The following TARM1 variants were observed in gnomAD, a reference collection of about 807,000 sequenced individuals.
TARM1 encodes the protein T cell-interacting, activating receptor on myeloid cells 1, also known as T-cell-interacting, activating receptor on myeloid cells protein 1.
A neutral mutation model predicts 30.4 loss-of-function variants in TARM1; 24 were observed. The observed-to-expected ratio is 0.79, with a 90% confidence interval of 0.57 to 1.11. TARM1 has a LOEUF of 1.11. TARM1 is among the 50% of genes least tolerant of loss of function. The probability of loss-of-function intolerance (pLI) is 0.00; values close to 1 mark genes in which losing one functional copy is unlikely to be tolerated. For synonymous variants in TARM1, 129 were observed against 138.9 expected (o/e 0.93, Z 0.50); for missense variants, 323 against 332.8 (o/e 0.97, Z 0.23).
At chr19:54,070,212 T>A in intron 4 of TARM1, 52 bp from the exon 5 acceptor site, 1 of 1,517,044 alleles carries the variant, frequency 6.6e-7, no homozygotes, top group African/African-American at 1.4e-5. Flanking sequence ...TCCCTCCTTC[T>A]CAAATGGCCC....
rs587648957 is a variant in TARM1 at position 54,075,075 on chromosome 19, G to A, written c.110C>T (p.Ser37Leu). The A allele has an allele frequency of 3.6e-5, 56 of 1,551,492 alleles. No homozygotes were observed. In the African/African-American group the frequency reaches 4.7e-4, roughly 13 times the overall value. The change falls in exon 3 of 5, where the codon TCG becomes TTG. Residue 37 changes from serine to leucine, a missense_variant. Coordinates refer to ENST00000432826, the MANE Select transcript of TARM1 (RefSeq NM_001135686.3). ...CACATTGCTGTTGGCAGGGACCACC[G>A]AGCTGGGCCAGGCACTGAGGGACGG... is the stretch of plus-strand genomic sequence containing the variant. ...PKPSLSAWPS[S>L]VVPANSNVTL... is the part of the protein sequence containing the mutation.
chr19:54,073,620 A>C (rs781665440), intron 4 of TARM1, among the ~76,000 whole-genome samples: 7 of 151,490 alleles, frequency 4.6e-5, no homozygotes, highest in Non-Finnish European at 8.8e-5. Context: ...CAGCCTCCCA[A>C]GTAGCTGGGT....
chr19:54,074,930 A>G lies in TARM1; in HGVS notation c.255T>C (p.Asn85=). 1 of 1,551,580 alleles carries G rather than the reference A, an allele frequency of 6.4e-7. No individual in the cohort carries two copies. The highest frequency in any genetic ancestry group is 8.7e-7 in the Non-Finnish European group (1 of 1,146,966). The change falls in exon 3 of 5, where the codon AAT becomes AAC. Residue 85 remains asparagine (N), a synonymous_variant. Transcript: ENST00000432826. The stretch of plus-strand genomic sequence containing the variant: ...CTCCAGCATTTCTGACTTTTAGATT[A>G]TTGAGGTGAAATTCGGCCGCGCCCT... ...STEGAAEFHL[N]NLKVRNAGEY...
chr19:54,072,292 C>A (rs907965332), intron 4 of TARM1, among the ~76,000 whole-genome samples: 6 of 152,128 alleles, frequency 3.9e-5, no homozygotes, highest in African/African-American at 1.4e-4. Context: ...GGGCTTCATC[C>A]AGGCACCCGG....
chr19:54,074,568 A>C (rs587706244), intron 3 of TARM1, among the ~76,000 whole-genome samples: 40 of 152,292 alleles, frequency 2.6e-4, no homozygotes, highest in African/African-American at 8.9e-4. Context: ...CTGTAATCCC[A>C]GCTGCTCAGG....
At chr19:54,076,304 C>T in intron 1 of TARM1, 2 of 1,083,398 alleles carry the variant, frequency 1.8e-6, no homozygotes, top group Non-Finnish European at 2.6e-6. Context: ...ATTCCAGAGA[C>T]AGAGTCTCGC....
At chr19:54,075,262 A>C (rs1175307493) in intron 2 of TARM1, 148 bp from the exon 3 acceptor site, 1 of 678,744 alleles carries the variant, frequency 1.5e-6, no homozygotes, top group Non-Finnish European at 2.2e-6. Context: ...ATCTCAGTTC[A>C]CTGCAACCTC....
rs587599998 is a variant in TARM1, at chr19:54,074,104, G to A, written c.474C>T (p.Phe158=). The stretch of plus-strand genomic sequence containing the variant: ...ATGGCGTCCCTGCCTTCAGTAGAGC[G>A]AACATGATAGGCACAAACAATTGGT... ...KRDQLFVPIM[F]ALLKAGTPSP... The change falls in exon 4 of 5, where the codon TTC becomes TTT. Residue 158 remains phenylalanine (F), a synonymous_variant. Transcript: ENST00000432826. 1.2e-4 allele frequency: 188 copies of A among 1,551,702 alleles called. 1 individual carries two copies. In the South Asian group the frequency reaches 1.6e-3, roughly 14 times the overall value.
chr19:54,080,051 AAAGAGAGAG>A (rs1568511266), intron 1 of TARM1, among the ~76,000 whole-genome samples: 25 of 139,324 alleles, frequency 1.8e-4, no homozygotes, highest in African/African-American at 2.4e-4. Flanking sequence ...GAAGGAAGGG[AAAGAGAGAG>A]AGGAAGGAAG....
chr19:54,076,298 C>G, intron 1 of TARM1: 1 of 1,186,418 alleles, frequency 8.4e-7, no homozygotes, highest in Non-Finnish European at 1.2e-6. Context: ...TCATTCATTC[C>G]AGAGACAGAG....
rs192647511 is a variant in TARM1 at position 54,077,326 on chromosome 19, G to A, written c.35-1408C>T. Among the ~76,000 whole-genome samples, 13 of 151,898 alleles carry A rather than the reference G, an allele frequency of 8.6e-5. No individual in the cohort carries two copies. In the East Asian group the frequency reaches 1.4e-3, roughly 16 times the overall value. On this transcript the variant is annotated intron_variant, in intron 1 of 4. Coordinates refer to ENST00000432826, the MANE Select transcript of TARM1 (RefSeq NM_001135686.3). ...ACCCAGGAGGCAGAGTTTGCAATGA[G>A]CTGAGATCGCACCACTGCACTCCAG...
chr19:54,072,146 G>A lies in TARM1; in HGVS notation c.658+1774C>T, dbSNP rs141489026. Among the ~76,000 whole-genome samples the A allele has an allele frequency of 4.7e-3, 715 of 152,092 alleles. 5 individuals are homozygous for A. Among genetic ancestry groups the A allele is most frequent in the African/African-American group, 0.016 (657 of 41,456 alleles). On this transcript the variant is annotated intron_variant, in intron 4 of 4. Coordinates refer to ENST00000432826, the MANE Select transcript of TARM1 (RefSeq NM_001135686.3). ...AGAGGTTTCATTGAGCCGAGATCGC[G>A]CCACTGCACTCCAGCCTGGGCAACA... is the stretch of plus-strand genomic sequence containing the variant.
chr19:54,070,042 A>T lies in TARM1; in HGVS notation c.777T>A (p.Asn259Lys). 6.4e-7 allele frequency: 1 copy of T among 1,551,624 alleles called. No individual in the cohort carries two copies. The highest frequency in any genetic ancestry group is 8.7e-7 in the Non-Finnish European group (1 of 1,146,966). Residue 259 changes from asparagine to lysine, a missense_variant, in exon 5 of 5, where the codon AAT becomes AAA. Coordinates refer to ENST00000432826, the MANE Select transcript of TARM1 (RefSeq NM_001135686.3). ...AFLVEAWYSR[N>K]VSPGESEAFK... Reference sequence around the variant, plus strand: ...AGGCCTCTGATTCACCTGGAGACACATTCCGGCTGTACCAGGCCTCCACCA... The same window carrying T: ...AGGCCTCTGATTCACCTGGAGACACTTTCCGGCTGTACCAGGCCTCCACCA...
In TARM1 at chr19:54,075,868, T is replaced by C; in HGVS notation, c.70+15A>G. The C allele has an allele frequency of 1.3e-6, 2 of 1,551,006 alleles. No homozygotes were observed. Among genetic ancestry groups the C allele is most frequent in the Non-Finnish European group, 1.7e-6 (2 of 1,146,788 alleles). ...GATGACAGGCCAAGGAGGGTGTAGT[T>C]GAAGAAACACTCACCATCTCCCCTT... On this transcript the variant is annotated intron_variant, in intron 2 of 4. Coordinates refer to ENST00000432826, the MANE Select transcript of TARM1 (RefSeq NM_001135686.3).
intron 1 of TARM1, among the ~76,000 whole-genome samples, chr19:54,077,662 G>GT (rs1159371053): frequency 6.6e-6 from 1 of 150,808 alleles, no homozygotes; most frequent in Non-Finnish European, 1.5e-5. Context: ...TTCAAACAAC[G>GT]TAAGTGTCCA....
chr19:54,076,261 T>G (rs2071948793), intron 1 of TARM1: 2 of 1,479,966 alleles, frequency 1.4e-6, no homozygotes, highest in Non-Finnish European at 1.8e-6. Flanking sequence ...TTTCTTTCTT[T>G]TTTCTTTCTT....
chr19:54,071,200 C>T (rs1379737515), intron 4 of TARM1, among the ~76,000 whole-genome samples: 1 of 152,112 alleles, frequency 6.6e-6, no homozygotes, highest in Non-Finnish European at 1.5e-5. Context: ...TCAAGTGATT[C>T]GCCTGCCTCG....
At chr19:54,073,896 C>T in intron 4 of TARM1, 24 bp downstream of exon 4, 1 of 1,544,498 alleles carries the variant, frequency 6.5e-7, no homozygotes, top group Non-Finnish European at 8.8e-7. Flanking sequence ...ACACACAGTT[C>T]CTCAAAACCA....
intron 1 of TARM1, chr19:54,076,254 CTTTCTTT>C (rs1377364069): frequency 6.7e-7 from 1 of 1,499,150 alleles, no homozygotes; most frequent in Non-Finnish European, 8.9e-7. Flanking sequence ...TCCTTTCTTT[CTTTCTTT>C]TTTCTTTCTT....
Sources: gnomAD v4.1 joint callset for allele counts (sites outside exome capture counted in the v4.1 genomes callset) on GRCh38, gnomAD v4.1.1 for gene constraint, MANE v1.5 for transcripts, NCBI Gene and HGNC (gene_info 2026-07-23, HGNC 2026-07-21) for gene names.